Variants in TLE3 observed in about 807,000 individuals in gnomAD.
TLE3 encodes TLE family member 3, transcriptional corepressor.
TLE3 carries 14 observed loss-of-function variants against 93.0 expected under a neutral mutation model. The ratio of observed to expected loss-of-function variants is 0.15; its 90% CI spans 0.10 to 0.24. The LOEUF (loss-of-function observed/expected upper bound fraction) is 0.24. TLE3 is among the 10% of genes least tolerant of loss of function. The pLI is 1.00. For synonymous variants in TLE3, 451 were observed against 425.0 expected (o/e 1.06, Z -0.75); for missense variants, 693 against 1,046.6 (o/e 0.66, Z 4.66).
intron 4 of TLE3, among the ~76,000 whole-genome samples, chr15:70,093,060 C>T (rs118070028): frequency 0.022 from 3,336 of 152,276 alleles, 71 homozygotes; most frequent in Middle Eastern, 0.095. Context: ...AGCATTCTTC[C>T]GGGACCTGGC....
Position 70,076,174 on chromosome 15 carries a change from G to A in TLE3, c.235-16C>T. 6 of 1,613,416 alleles carry A rather than the reference G, an allele frequency of 3.7e-6. No individual in the cohort carries two copies. The highest frequency in any genetic ancestry group is 5.1e-6 in the Non-Finnish European group (6 of 1,179,416). Reference sequence around the variant, plus strand: ...CAATCTCTGTCTGCAAAGGCAAGGAGACCACATGAAGCTCAGGCAAATAAA... The same window carrying A: ...CAATCTCTGTCTGCAAAGGCAAGGAAACCACATGAAGCTCAGGCAAATAAA... On this transcript the variant is annotated splice_polypyrimidine_tract_variant and intron_variant, in intron 4 of 19. Coordinates refer to ENST00000451782, the MANE Select transcript of TLE3 (RefSeq NM_001105192.3).
At position 70,095,596 on chromosome 15, in the gene TLE3, C is replaced by T; in HGVS notation, c.171G>A (p.Met57Ile). ...ATCTCACCATCACATAATGGCGCTG[C>T]ATCTCCGTCTTCTCGTTTGCCAGCT... ...YDKLANEKTE[M>I]QRHYVMYYEM... Residue 57 changes from methionine to isoleucine, a missense_variant, in exon 3 of 20, where the codon ATG becomes ATA. Coordinates refer to ENST00000451782, the MANE Select transcript of TLE3 (RefSeq NM_001105192.3). 6.4e-7 allele frequency: 1 copy of T among 1,551,540 alleles called. No individual in the cohort carries two copies. Among genetic ancestry groups the T allele is most frequent in the Non-Finnish European group, 8.7e-7 (1 of 1,146,896 alleles).
chr15:70,065,979 G>GGCCCCCCCCCCC, intron 7 of TLE3, 35 bp downstream of exon 7: 3 of 1,089,094 alleles, frequency 2.8e-6, no homozygotes, highest in Non-Finnish European at 2.8e-6. Flanking sequence ...GCCCACCCCT[G>GGCCCCCCCCCCC]CCCCGCCCCA....
chr15:70,060,009 C>G (rs1032699316), intron 9 of TLE3, among the ~76,000 whole-genome samples: 3 of 152,218 alleles, frequency 2.0e-5, no homozygotes, highest in African/African-American at 7.2e-5. Context: ...CCTCCCCTTC[C>G]CTCTGTCCCA....
At position 70,058,942 on chromosome 15, in the gene TLE3, C is replaced by T. The variant is rs561317287; in HGVS notation, c.766-127G>A. 4.7e-5 allele frequency: 61 copies of T among 1,310,760 alleles called. No homozygotes were observed. The African/African-American group carries it at 7.7e-4, about 16-fold the overall frequency. 81.2% of individuals were successfully genotyped at this position (1,310,760 alleles called of 1,614,324 possible). On this transcript the variant is annotated intron_variant, in intron 10 of 19. Coordinates refer to ENST00000451782, the MANE Select transcript of TLE3 (RefSeq NM_001105192.3). The surrounding 1 kb of genome is among the most constrained non-coding windows in gnomAD (Gnocchi z 4.1). The stretch of plus-strand genomic sequence containing the variant: ...ACGAGCTTGGCTGAAAGACTGGGGG[C>T]CCCACAGTGAGGAAAAACTAGCTCT...
Position 70,058,835 on chromosome 15 carries a change from A to C in TLE3, c.766-20T>G, listed in dbSNP as rs1009589092. 23 of 1,539,486 alleles carry C rather than the reference A, an allele frequency of 1.5e-5. No individual in the cohort carries two copies. The highest frequency in any genetic ancestry group is 1.8e-4 in the Middle Eastern group (1 of 5,708). On this transcript the variant is annotated intron_variant, in intron 10 of 19. Coordinates refer to ENST00000451782, the MANE Select transcript of TLE3 (RefSeq NM_001105192.3). This position sits in a 1 kb window ranked among gnomAD's most constrained non-coding sequence, Gnocchi z 4.1. The stretch of plus-strand genomic sequence containing the variant: ...GGGGTCCTGAAAACACAAGTGATGC[A>C]GAGATGCACTGAAAGCAACAGCCAG...
chr15:70,068,836 C>T (rs752082549), intron 6 of TLE3, among the ~76,000 whole-genome samples: 1 of 152,160 alleles, frequency 6.6e-6, no homozygotes, highest in African/African-American at 2.4e-5. Context: ...CTCTGAATGC[C>T]CTCCCACTTC....
intron 4 of TLE3, among the ~76,000 whole-genome samples, chr15:70,078,172 T>G (rs1175115642): frequency 6.6e-6 from 1 of 152,124 alleles, no homozygotes; most frequent in African/African-American, 2.4e-5. Context: ...TGGGAAGAGC[T>G]CTCCCAAACA....
chr15:70,065,988 C>CCCCCACAGACCCA, intron 7 of TLE3, 26 bp downstream of exon 7: 1 of 1,573,140 alleles, frequency 6.4e-7, no homozygotes, highest in Non-Finnish European at 8.7e-7. Flanking sequence ...TGCCCCGCCC[C>CCCCCACAGACCCA]ACCCTCTGCC....
intron 6 of TLE3, among the ~76,000 whole-genome samples, chr15:70,072,056 C>T (rs932501769): frequency 6.6e-6 from 1 of 152,196 alleles, no homozygotes; most frequent in Non-Finnish European, 1.5e-5. Context: ...TCAGGCGCAG[C>T]GATTAGACGG....
chr15:70,060,203 AG>A (rs1350276095), intron 9 of TLE3, among the ~76,000 whole-genome samples: 1 of 152,224 alleles, frequency 6.6e-6, no homozygotes, highest in African/African-American at 2.4e-5. Flanking sequence ...CACTGGGAGC[AG>A]CCCCTTAGAG....
chr15:70,053,071 T>G (rs1460608975), intron 17 of TLE3, 156 bp downstream of exon 17: 2 of 909,088 alleles, frequency 2.2e-6, no homozygotes, highest in African/African-American at 3.3e-5. Context: ...CACTGCTGCT[T>G]CCTCCAGGAA....
At chr15:70,096,573 C>T in intron 1 of TLE3, 1 of 1,507,060 alleles carries the variant, frequency 6.6e-7, no homozygotes. Context: ...CCCTGGAACA[C>T]AAGCAGCCCC....
chr15:70,059,495 A>G, intron 9 of TLE3, 35 bp from the exon 10 acceptor site: 1 of 1,589,598 alleles, frequency 6.3e-7, no homozygotes. Flanking sequence ...GGTCAGTAAG[A>G]GGCCACACTT....
intron 4 of TLE3, among the ~76,000 whole-genome samples, chr15:70,082,217 G>T (rs2057812856): frequency 6.6e-6 from 1 of 152,200 alleles, no homozygotes; most frequent in Non-Finnish European, 1.5e-5. Context: ...GCCTCTCAAT[G>T]ATGTGACTAA....
In TLE3 at chr15:70,048,857, G is replaced by C. The variant is rs1304468090; in HGVS notation, c.*1240C>G. The stretch of plus-strand genomic sequence containing the variant: ...CCCCCACTGCTCTGCCCAGGGTGGG[G>C]GTGAGGGGGATCCTCTTTTCAGACT... On this transcript the variant is annotated 3_prime_UTR_variant, in exon 20 of 20. Transcript: ENST00000451782. 6.6e-6 allele frequency: 1 copy of C among 152,164 alleles called. No homozygotes were observed. Among genetic ancestry groups the C allele is most frequent in the African/African-American group, 2.4e-5 (1 of 41,430 alleles). The allele number at this position is 152,164 out of a possible 1,614,324, so 9.4% of individuals were successfully genotyped here. A position where few individuals can be genotyped will look rare whatever the true frequency, so the allele number is the denominator to read the frequency against.
At chr15:70,061,895 C>T (rs1245250218) in intron 8 of TLE3, among the ~76,000 whole-genome samples, 1 of 152,190 alleles carries the variant, frequency 6.6e-6, no homozygotes, top group East Asian at 1.9e-4. Flanking sequence ...CATATGGAGA[C>T]CCAGAGGGAC....
intron 2 of TLE3, chr15:70,095,847 C>T (rs1596045361): frequency 7.5e-6 from 5 of 663,458 alleles, no homozygotes; most frequent in Non-Finnish European, 1.3e-5. Flanking sequence ...TTCCCGCGAG[C>T]CAAAGGACTT....
chr15:70,065,701 T>A (rs149344686), intron 7 of TLE3, among the ~76,000 whole-genome samples: 1,660 of 152,298 alleles, frequency 0.011, 35 homozygotes, highest in African/African-American at 0.037. Context: ...CAGGAAGGCA[T>A]CCTGAAGGGT....
Sources: gnomAD v4.1 joint callset for allele counts (sites outside exome capture counted in the v4.1 genomes callset) on GRCh38, gnomAD v4.1.1 for gene constraint, Gnocchi (gnomAD v3.1) non-coding constraint, MANE v1.5 for transcripts, NCBI Gene and HGNC (gene_info 2026-07-23, HGNC 2026-07-21) for gene names.